Variants in COBL observed in about 807,000 individuals in gnomAD.
COBL encodes protein cordon-bleu.
A neutral mutation model predicts 98.8 loss-of-function variants in COBL; 51 were observed. The ratio of observed to expected loss-of-function variants is 0.52; its 90% confidence interval spans 0.41 to 0.65. The LOEUF is 0.65. COBL is among the 30% of genes least tolerant of loss of function. The probability of loss-of-function intolerance (pLI) is 0.00; values close to 1 mark genes in which losing one functional copy is unlikely to be tolerated. For synonymous variants in COBL, 634 were observed against 651.7 expected, an observed-to-expected ratio of 0.97 and a Z score of 0.41; for missense variants, 1,617 against 1,617.5, an observed-to-expected ratio of 1.00 and a Z score of 0.01.
intron 6 of COBL, among the ~76,000 whole-genome samples, chr7:51,127,129 C>T (rs1401266641): frequency 6.6e-6 from 1 of 152,200 alleles, no homozygotes; most frequent in Non-Finnish European, 1.5e-5. Context: ...GTCTCAACCT[C>T]GTCGCTTGTG....
intron 5 of COBL, among the ~76,000 whole-genome samples, chr7:51,137,265 A>T (rs1799324992): frequency 1.3e-5 from 2 of 152,108 alleles, no homozygotes; most frequent in African/African-American, 4.8e-5. Context: ...CCTTCTTTTG[A>T]CCTTAGACGA....
chr7:51,088,404 T>G (rs1157086751), intron 6 of COBL, among the ~76,000 whole-genome samples: 1 of 152,092 alleles, frequency 6.6e-6, no homozygotes, highest in African/African-American at 2.4e-5. Context: ...GTTACTGTTT[T>G]TTTTTTGTTT....
At chr7:51,122,594 A>T (rs948330605) in intron 6 of COBL, among the ~76,000 whole-genome samples, 1 of 152,240 alleles carries the variant, frequency 6.6e-6, no homozygotes, top group African/African-American at 2.4e-5. Context: ...TTATTACAAA[A>T]TGCATTAGTA....
intron 6 of COBL, among the ~76,000 whole-genome samples, chr7:51,087,280 A>G (rs1562893404): frequency 1.3e-5 from 2 of 152,216 alleles, no homozygotes; most frequent in Non-Finnish European, 2.9e-5. Context: ...TATGAAAAAT[A>G]TAAGTTTTCT....
intron 1 of COBL, among the ~76,000 whole-genome samples, chr7:51,310,399 C>T (rs1010646384): frequency 3.9e-5 from 6 of 152,160 alleles, no homozygotes; most frequent in Non-Finnish European, 5.9e-5. Flanking sequence ...CTAATCCTCC[C>T]GCTGTCTGCC....
chr7:51,051,946 G>C (rs890580624), intron 7 of COBL, among the ~76,000 whole-genome samples: 3 of 152,140 alleles, frequency 2.0e-5, no homozygotes, highest in Non-Finnish European at 4.4e-5. Flanking sequence ...AGTTAAACAG[G>C]ATTCCTTCTC....
intron 7 of COBL, among the ~76,000 whole-genome samples, chr7:51,062,221 G>A (rs899395214): frequency 6.6e-6 from 1 of 152,074 alleles, no homozygotes; most frequent in African/African-American, 2.4e-5. Context: ...ATGCAACCCT[G>A]ACAGCAGATA....
intron 1 of COBL, among the ~76,000 whole-genome samples, chr7:51,220,896 C>T (rs1793571648): frequency 6.6e-6 from 1 of 151,996 alleles, no homozygotes; most frequent in South Asian, 2.1e-4. Flanking sequence ...ATACAGGTAC[C>T]TTATTTTATA....
At chr7:51,226,505 A>G (rs1391550576) in intron 1 of COBL, among the ~76,000 whole-genome samples, 3 of 138,822 alleles carry the variant, frequency 2.2e-5, no homozygotes, top group Non-Finnish European at 3.2e-5. Context: ...CAGGGAAGGA[A>G]TTCGGTCACC....
At chr7:51,205,429 C>T (rs1204023972) in intron 2 of COBL, among the ~76,000 whole-genome samples, 1 of 151,620 alleles carries the variant, frequency 6.6e-6, no homozygotes, top group Non-Finnish European at 1.5e-5. Context: ...ACCATCTCTT[C>T]AATAAATAGT....
Position 51,136,159 on chromosome 7 carries a change from T to C in COBL, c.956A>G (p.Lys319Arg), listed in dbSNP as rs932146489. Reference protein sequence around the residue: ...GPPVQDKASEKVSLGSQIDLQ... With the variant: ...GPPVQDKASERVSLGSQIDLQ... The stretch of plus-strand genomic sequence containing the variant: ...TGTGAGAACAGCCCACTGCCCTACC[T>C]TTTCCGATGCCTTGTCTTGCACAGG... Residue 319 changes from lysine to arginine, a missense_variant and splice_region_variant, in exon 6 of 13, where the codon AAG becomes AGG. Lys to Arg is a conservative substitution (Grantham distance 26, BLOSUM62 2). Transcript: ENST00000265136. 2 of 1,610,046 alleles carry C rather than the reference T, an allele frequency of 1.2e-6. No individual in the cohort carries two copies. Among genetic ancestry groups the C allele is most frequent in the African/African-American group, 2.7e-5 (2 of 74,758 alleles).
At chr7:51,279,449 T>G (rs1799611620) in intron 1 of COBL, among the ~76,000 whole-genome samples, 1 of 152,246 alleles carries the variant, frequency 6.6e-6, no homozygotes, top group Non-Finnish European at 1.5e-5. Flanking sequence ...TGAAATCAAC[T>G]GGCACATTTT....
intron 7 of COBL, among the ~76,000 whole-genome samples, chr7:51,069,448 T>C (rs189872257): frequency 1.8e-4 from 27 of 152,356 alleles, no homozygotes; most frequent in African/African-American, 6.0e-4. Flanking sequence ...AGCTGTGGGA[T>C]TGGTGGGCTC....
chr7:51,072,820 A>T (rs916280010), intron 7 of COBL: 1 of 152,222 alleles, frequency 6.6e-6, no homozygotes, highest in Non-Finnish European at 1.5e-5. Context: ...ACACAAAGAC[A>T]TTGGGTCCTA....
chr7:51,042,332 C>A (rs551459013), intron 8 of COBL, among the ~76,000 whole-genome samples: 1 of 152,122 alleles, frequency 6.6e-6, no homozygotes, highest in African/African-American at 2.4e-5. Context: ...ATTTAATAAT[C>A]AAAAAAAGTA....
chr7:51,176,458 C>A (rs1788393243), intron 5 of COBL, among the ~76,000 whole-genome samples: 1 of 151,998 alleles, frequency 6.6e-6, no homozygotes, highest in African/African-American at 2.4e-5. Context: ...TTTGAGTCCT[C>A]TGTTCTCTCT....
At chr7:51,084,911 C>T (rs1354598514) in intron 7 of COBL, among the ~76,000 whole-genome samples, 1 of 152,126 alleles carries the variant, frequency 6.6e-6, no homozygotes, top group Admixed American at 6.5e-5. Flanking sequence ...TCACCCTCTC[C>T]CGGCTCCTGC....
rs369837036 is a variant in COBL at position 51,043,459 on chromosome 7, G to T, written c.1330C>A (p.Leu444Ile). Residue 444 changes from leucine to isoleucine, a missense_variant, in exon 8 of 13, where the codon CTC becomes ATC. Physicochemically the swap from Leu to Ile is conservative, Grantham distance 5. Around this residue, in one of 3 missense-constraint regions of COBL, gnomAD observed 1,304 missense variants for 1,282.0 expected, o/e 1.02. Coordinates refer to ENST00000265136, the MANE Select transcript of COBL (RefSeq NM_015198.5). ...TDQEDCSDQD[L>I]AGTPDLGPQK... ...GGACCCAGGTCTGGGGTTCCAGCGA[G>T]GTCCTGGTCACTGCAGTCTTCCTGG... 6.2e-7 allele frequency: 1 copy of T among 1,614,104 alleles called. No homozygotes were observed. Among genetic ancestry groups the T allele is most frequent in the African/African-American group, 1.3e-5 (1 of 74,942 alleles).
intron 6 of COBL, among the ~76,000 whole-genome samples, chr7:51,114,245 C>A (rs1797085722): frequency 6.6e-6 from 1 of 151,984 alleles, no homozygotes; most frequent in African/African-American, 2.4e-5. Context: ...CCAGGGATGA[C>A]TTTTTTCTCA....
Sources: allele counts gnomAD v4.1 joint callset (sites outside exome capture counted in the v4.1 genomes callset), GRCh38; gene constraint gnomAD v4.1.1; regional missense constraint gnomAD v4.1.1; transcripts MANE v1.5; gene names NCBI Gene and HGNC (gene_info 2026-07-23, HGNC 2026-07-21).